Variants in PRDM6 observed in about 807,000 individuals in gnomAD.
PRDM6 encodes PR/SET domain 6, also known as putative histone-lysine N-methyltransferase PRDM6.
PRDM6 carries 25 observed loss-of-function variants against 60.8 expected under a neutral mutation model. The observed-to-expected ratio is 0.41, with a 90% confidence interval of 0.30 to 0.57. The LOEUF (loss-of-function observed/expected upper bound fraction) is 0.57. Ranked by LOEUF, PRDM6 falls within the 20% of genes least tolerant of loss-of-function variation. The probability of loss-of-function intolerance (pLI) is 0.27; values close to 1 mark genes in which losing one functional copy is unlikely to be tolerated. For missense variants in PRDM6, 839 were observed against 821.3 expected, an observed-to-expected ratio of 1.02 and a Z score of -0.26; for synonymous variants, 407 against 357.4, an observed-to-expected ratio of 1.14 and a Z score of -1.57.
chr5:123,128,507 C>T (rs1764744581), intron 3 of PRDM6, among the ~76,000 whole-genome samples: 1 of 152,204 alleles, frequency 6.6e-6, no homozygotes. Flanking sequence ...ATTTGCATTT[C>T]TCTGATGACC....
chr5:123,156,297 C>A (rs1367561434), intron 4 of PRDM6, among the ~76,000 whole-genome samples: 8 of 152,102 alleles, frequency 5.3e-5, no homozygotes, highest in Admixed American at 2.6e-4. Context: ...CTGAATGAGC[C>A]CAGCAAACCC....
At chr5:123,161,908 AG>A (rs1765640652) in intron 5 of PRDM6, among the ~76,000 whole-genome samples, 1 of 152,222 alleles carries the variant, frequency 6.6e-6, no homozygotes, top group African/African-American at 2.4e-5. Flanking sequence ...ATCCAGCTAG[AG>A]GCTCTTGCAG....
chr5:123,176,338 CAT>C (rs56950257), intron 6 of PRDM6, among the ~76,000 whole-genome samples: 40,528 of 150,070 alleles, frequency 0.27, 6,002 homozygotes, highest in East Asian at 0.58. Flanking sequence ...TTTTGTGAGG[CAT>C]ACTGTTTGCC....
chr5:123,092,185 A>G (rs2150204440), intron 2 of PRDM6, among the ~76,000 whole-genome samples: 1 of 152,364 alleles, frequency 6.6e-6, no homozygotes, highest in East Asian at 1.9e-4. Context: ...TACTCTCCCA[A>G]CAGATTTCAA....
chr5:123,160,181 A>G (rs1368874364), intron 5 of PRDM6, among the ~76,000 whole-genome samples: 1 of 152,216 alleles, frequency 6.6e-6, no homozygotes, highest in Non-Finnish European at 1.5e-5. Flanking sequence ...TGTCTTTCTA[A>G]ATTTTTTGTC....
chr5:123,109,704 A>C (rs1764265772), intron 3 of PRDM6, among the ~76,000 whole-genome samples: 1 of 152,220 alleles, frequency 6.6e-6, no homozygotes, highest in Admixed American at 6.5e-5. Flanking sequence ...GGCAACAAGG[A>C]TGACTACAAA....
Position 123,159,592 on chromosome 5 carries a change from G to A in PRDM6, c.1107G>A (p.Thr369=), listed in dbSNP as rs944857675. The A allele has an allele frequency of 1.7e-5, 27 of 1,551,420 alleles. No individual in the cohort carries two copies. The highest frequency in any genetic ancestry group is 2.3e-5 in the Non-Finnish European group (26 of 1,146,768). Residue 369 remains threonine (T), a synonymous_variant, in exon 5 of 8, where the codon ACG becomes ACA. Coordinates refer to ENST00000407847, the MANE Select transcript of PRDM6 (RefSeq NM_001136239.4). ...TGGTGTGGTACAATGACAGCTATAC[G>A]TCTTTCTTTGGGATCCCCTTACAAT... ...ELLVWYNDSY[T]SFFGIPLQCI...
chr5:123,162,804 A>G (rs541103779), intron 5 of PRDM6, among the ~76,000 whole-genome samples: 3 of 152,350 alleles, frequency 2.0e-5, no homozygotes, highest in East Asian at 3.9e-4. Context: ...TGGGGGAGAT[A>G]TATGACTTTG....
At chr5:123,091,809 A>G (rs549662551) in intron 2 of PRDM6, among the ~76,000 whole-genome samples, 88 of 152,318 alleles carry the variant, frequency 5.8e-4, no homozygotes, top group African/African-American at 2.0e-3. Flanking sequence ...TAAAACATTT[A>G]TTTTTATTCA....
At chr5:123,150,338 C>T (rs886856569) in intron 3 of PRDM6, among the ~76,000 whole-genome samples, 1 of 152,154 alleles carries the variant, frequency 6.6e-6, no homozygotes, top group African/African-American at 2.4e-5. Context: ...ACCCTATGGT[C>T]GCCCTTAACC....
chr5:123,158,623 C>G (rs1765559310), intron 4 of PRDM6, among the ~76,000 whole-genome samples: 1 of 152,158 alleles, frequency 6.6e-6, no homozygotes, highest in Non-Finnish European at 1.5e-5. Flanking sequence ...GTGCATATCT[C>G]ACTGCCATGA....
rs73799838 is a variant in PRDM6, at chr5:123,175,699, G to A, written c.1497-4448G>A. Among the ~76,000 whole-genome samples, 1,452 of 152,300 alleles carry A rather than the reference G, an allele frequency of 9.5e-3. 18 individuals are homozygous for A. The highest frequency in any genetic ancestry group is 0.032 in the African/African-American group (1,344 of 41,566). ...ACTTGGGCTGGCTGATGTTGAACAA[G>A]GAGAGATTGTGGCCCCAACTGAACA... On this transcript the variant is annotated intron_variant, in intron 6 of 7. Coordinates refer to ENST00000407847, the MANE Select transcript of PRDM6 (RefSeq NM_001136239.4).
intron 3 of PRDM6, among the ~76,000 whole-genome samples, chr5:123,136,890 G>T (rs972978274): frequency 6.6e-6 from 1 of 152,162 alleles, no homozygotes; most frequent in Non-Finnish European, 1.5e-5. Flanking sequence ...CAGCTGAGGG[G>T]CATCCCAAGT....
chr5:123,098,840 A>ATTTTAAATCGTCT, intron 2 of PRDM6, among the ~76,000 whole-genome samples: 1 of 84,568 alleles, frequency 1.2e-5, no homozygotes, highest in South Asian at 3.7e-4. Context: ...ACCCCGCCCC[A>ATTTTAAATCGTCT]CCTGTCCCCG....
At chr5:123,104,913 T>C (rs1764172080) in intron 3 of PRDM6, among the ~76,000 whole-genome samples, 1 of 152,210 alleles carries the variant, frequency 6.6e-6, no homozygotes, top group Non-Finnish European at 1.5e-5. Flanking sequence ...AAAGTTCTGG[T>C]CCTTTTGGTT....
rs572367200 is a variant in PRDM6 at position 123,090,253 on chromosome 5, C to A, written c.239C>A (p.Ser80Ter). 3 of 1,486,738 alleles carry A rather than the reference C, an allele frequency of 2.0e-6. No individual in the cohort carries two copies. The highest frequency in any genetic ancestry group is 2.9e-5 in the African/African-American group (2 of 68,032). 92.1% of individuals were successfully genotyped at this position (1,486,738 alleles called of 1,614,324 possible). ...RPRPASLSSA[S>*]STPASSSTSA... ...CGGCCCGCCTCTCTCTCCTCCGCCT[C>A]GTCCACGCCGGCTTCCTCTTCCACC... is the stretch of plus-strand genomic sequence containing the variant. Residue 80 changes from serine (S) to a stop codon, truncating the protein, a stop_gained, in exon 2 of 8, where the codon TCG (serine) becomes TAG (stop). Coordinates refer to ENST00000407847, the MANE Select transcript of PRDM6 (RefSeq NM_001136239.4). LOFTEE classifies it high-confidence loss of function.
At chr5:123,102,290 A>G (rs1225502169) in intron 3 of PRDM6, among the ~76,000 whole-genome samples, 7 of 152,316 alleles carry the variant, frequency 4.6e-5, no homozygotes, top group African/African-American at 1.2e-4. Context: ...TTTTATTAGC[A>G]TAATGATTTT....
chr5:123,097,643 A>AC (rs1561800379), intron 2 of PRDM6, among the ~76,000 whole-genome samples: 1 of 151,326 alleles, frequency 6.6e-6, no homozygotes, highest in East Asian at 1.9e-4. Flanking sequence ...TTCACAATCA[A>AC]TAAGCTTGAG....
intron 7 of PRDM6, among the ~76,000 whole-genome samples, chr5:123,183,439 T>C (rs1244347165): frequency 6.6e-6 from 1 of 152,182 alleles, no homozygotes; most frequent in Non-Finnish European, 1.5e-5. Flanking sequence ...CTGCAGAAGA[T>C]TTGGCATGAA....
Sources: gnomAD v4.1 joint callset for allele counts (sites outside exome capture counted in the v4.1 genomes callset) on GRCh38, gnomAD v4.1.1 for gene constraint, MANE v1.5 for transcripts, NCBI Gene and HGNC (gene_info 2026-07-23, HGNC 2026-07-21) for gene names.